Variants in FGGY observed in about 807,000 individuals in gnomAD.
FGGY encodes FGGY carbohydrate kinase domain containing, also known as FGGY carbohydrate kinase domain-containing protein.
In FGGY, 72 loss-of-function variants were observed where a neutral mutation model predicts 71.3. The observed-to-expected ratio is 1.01, with a 90% CI of 0.84 to 1.23. The LOEUF (loss-of-function observed/expected upper bound fraction) is 1.23. Ranked by LOEUF, FGGY falls within the 50% of genes most tolerant of loss-of-function variation. The pLI is 0.00. For missense variants in FGGY, 668 were observed against 682.3 expected (o/e 0.98, Z 0.23); for synonymous variants, 251 against 250.3 (o/e 1.00, Z -0.02).
intron 13 of FGGY, among the ~76,000 whole-genome samples, chr1:59,670,410 G>A (rs1243356781): frequency 2.0e-5 from 3 of 152,220 alleles, no homozygotes; most frequent in African/African-American, 7.2e-5. Flanking sequence ...TCTCAGAAAT[G>A]CATGTGAAAA....
intron 14 of FGGY, among the ~76,000 whole-genome samples, chr1:59,734,602 A>G (rs994907277): frequency 6.6e-6 from 1 of 152,230 alleles, no homozygotes; most frequent in African/African-American, 2.4e-5. Flanking sequence ...AAGCTATGAC[A>G]TACATGAAGC....
intron 7 of FGGY, among the ~76,000 whole-genome samples, chr1:59,545,936 T>C (rs957264671): frequency 6.6e-6 from 1 of 152,222 alleles, no homozygotes; most frequent in African/African-American, 2.4e-5. Context: ...TACCTCATTT[T>C]CCTTATTCCT....
At chr1:59,554,879 C>G (rs182532051) in intron 8 of FGGY, among the ~76,000 whole-genome samples, 147 of 152,264 alleles carry the variant, frequency 9.7e-4, no homozygotes, top group African/African-American at 3.3e-3. Context: ...AAAGTCATTA[C>G]TCTGTTAAAC....
chr1:59,694,923 T>G (rs1282875005), intron 14 of FGGY, among the ~76,000 whole-genome samples: 1 of 152,192 alleles, frequency 6.6e-6, no homozygotes, highest in Non-Finnish European at 1.5e-5. Context: ...GAGTATGGTG[T>G]TTCCCAAATT....
intron 6 of FGGY, among the ~76,000 whole-genome samples, chr1:59,465,964 C>T (rs1005652515): frequency 6.6e-6 from 1 of 152,172 alleles, no homozygotes; most frequent in South Asian, 2.1e-4. Context: ...CCATTCCCAT[C>T]AAGCTACCAA....
chr1:59,346,454 T>C (rs1557624410), intron 4 of FGGY, 56 bp downstream of exon 4: 1 of 1,587,892 alleles, frequency 6.3e-7, no homozygotes, highest in African/African-American at 1.3e-5. Flanking sequence ...TTCCTGTTAC[T>C]GTGGACCTGT....
intron 14 of FGGY, among the ~76,000 whole-genome samples, chr1:59,721,337 GTTTTTT>G (rs71046339): frequency 5.0e-4 from 53 of 105,358 alleles, no homozygotes; most frequent in Non-Finnish European, 6.4e-4. Context: ...TCTTTCCTTT[GTTTTTT>G]TTTTTTTTTT....
At chr1:59,518,534 G>A (rs1228302078) in intron 7 of FGGY, among the ~76,000 whole-genome samples, 1 of 152,228 alleles carries the variant, frequency 6.6e-6, no homozygotes, top group Non-Finnish European at 1.5e-5. Context: ...CAGTGTTGGA[G>A]GGGTCCCTAG....
At chr1:59,550,792 T>C (rs529411398) in intron 7 of FGGY, among the ~76,000 whole-genome samples, 1 of 152,260 alleles carries the variant, frequency 6.6e-6, no homozygotes, top group South Asian at 2.1e-4. Flanking sequence ...AATTATAACA[T>C]CATAAAGTGA....
chr1:59,739,696 T>TCTTACCC (rs2098132462), intron 14 of FGGY, among the ~76,000 whole-genome samples: 1 of 152,196 alleles, frequency 6.6e-6, no homozygotes, highest in Non-Finnish European at 1.5e-5. Flanking sequence ...TTCACTTTCC[T>TCTTACCC]CTTACCCATC....
intron 14 of FGGY, among the ~76,000 whole-genome samples, chr1:59,729,515 G>A (rs1265252732): frequency 6.6e-6 from 1 of 152,160 alleles, no homozygotes; most frequent in Non-Finnish European, 1.5e-5. Flanking sequence ...GTTAGAAATT[G>A]AACTGTGTTT....
chr1:59,346,398 G>C lies in FGGY; in HGVS notation c.465G>C (p.Glu155Asp), dbSNP rs755135878. The stretch of plus-strand genomic sequence containing the variant: ...CCCCGAAACTTCTGTGGCTGAAAGA[G>C]GTGAGTGCATAGGGTCTAAGAGAAG... ...MQAPKLLWLK[E>D]NLREICWDKA... is the part of the protein sequence containing the mutation. Residue 155 changes from glutamate (E) to aspartate (D), a missense_variant and splice_region_variant, in exon 4 of 16, where the codon GAG becomes GAC. Physicochemically the swap from Glu to Asp is conservative, Grantham distance 45. This residue lies in a region of FGGY where 661 missense variants were observed against 661.6 expected (regional missense o/e 1.00). Coordinates refer to ENST00000303721, the MANE Select transcript of FGGY (RefSeq NM_018291.5). The C allele has an allele frequency of 1.2e-6, 2 of 1,611,252 alleles. No individual in the cohort carries two copies. Among genetic ancestry groups the C allele is most frequent in the Non-Finnish European group, 1.7e-6 (2 of 1,179,416 alleles).
chr1:59,540,908 G>T (rs1017529401), intron 7 of FGGY, among the ~76,000 whole-genome samples: 6 of 152,128 alleles, frequency 3.9e-5, no homozygotes, highest in Admixed American at 3.9e-4. Flanking sequence ...GCCTGTATTA[G>T]GTGCTTCATA....
chr1:59,409,114 A>G (rs1409191076), intron 5 of FGGY, among the ~76,000 whole-genome samples: 1 of 152,298 alleles, frequency 6.6e-6, no homozygotes, highest in Non-Finnish European at 1.5e-5. Flanking sequence ...TATGACATTT[A>G]TATCTATGCT....
intron 7 of FGGY, among the ~76,000 whole-genome samples, chr1:59,519,076 T>G (rs2094746919): frequency 6.6e-6 from 1 of 152,240 alleles, no homozygotes; most frequent in Admixed American, 6.5e-5. Context: ...TTATTCTATT[T>G]GTCAGATGAG....
At chr1:59,339,065 A>T (rs1334732452) in intron 2 of FGGY, among the ~76,000 whole-genome samples, 2 of 152,254 alleles carry the variant, frequency 1.3e-5, no homozygotes, top group Non-Finnish European at 2.9e-5. Flanking sequence ...GATTCAGTGT[A>T]CATAAACTTT....
intron 5 of FGGY, among the ~76,000 whole-genome samples, chr1:59,382,291 C>T (rs991084528): frequency 6.6e-6 from 1 of 152,152 alleles, no homozygotes; most frequent in Non-Finnish European, 1.5e-5. Flanking sequence ...GATAATTCAG[C>T]AGCGGGGGCT....
intron 2 of FGGY, among the ~76,000 whole-genome samples, chr1:59,336,479 G>GT (rs55777640): frequency 0.61 from 87,503 of 143,764 alleles, 27,111 homozygotes; most frequent in Non-Finnish European, 0.67. Flanking sequence ...AAACCTGCTA[G>GT]TTTTTTTTTT....
At chr1:59,634,290 C>A (rs955153921) in intron 10 of FGGY, among the ~76,000 whole-genome samples, 3 of 152,062 alleles carry the variant, frequency 2.0e-5, no homozygotes, top group African/African-American at 7.2e-5. Flanking sequence ...GCCTGTAGTC[C>A]CAGCTACTCG....
Sources: gnomAD v4.1 joint callset for allele counts (sites outside exome capture counted in the v4.1 genomes callset) on GRCh38, gnomAD v4.1.1 for gene constraint, gnomAD v4.1.1 regional missense constraint, MANE v1.5 for transcripts, NCBI Gene and HGNC (gene_info 2026-07-23, HGNC 2026-07-21) for gene names.